The following COL24A1 variants were observed in gnomAD, a reference collection of about 807,000 sequenced individuals.
COL24A1 encodes collagen alpha-1(XXIV) chain.
Under a neutral mutation model 253.9 loss-of-function variants are expected in COL24A1, and 224 were observed. That is an observed-to-expected ratio of 0.88 (90% CI 0.79 to 0.99). The LOEUF is 0.99. Among genes scored for constraint, COL24A1 ranks in the 50% least tolerant of loss-of-function variants. The pLI is 0.00. For missense variants in COL24A1, 2,131 were observed against 2,068.5 expected (o/e 1.03, Z -0.59); for synonymous variants, 685 against 673.7 (o/e 1.02, Z -0.26).
At chr1:86,090,951 A>C (rs1436730728) in intron 6 of COL24A1, among the ~76,000 whole-genome samples, 1 of 152,092 alleles carries the variant, frequency 6.6e-6, no homozygotes, top group Non-Finnish European at 1.5e-5. Flanking sequence ...ATTTGATATA[A>C]ATATGAATGT....
At chr1:85,764,759 C>A (rs747651073) in intron 53 of COL24A1, among the ~76,000 whole-genome samples, 18 of 151,936 alleles carry the variant, frequency 1.2e-4, no homozygotes, top group Admixed American at 5.9e-4. Context: ...CAATTTTCTT[C>A]CTGATGTGTG....
intron 5 of COL24A1, among the ~76,000 whole-genome samples, chr1:86,100,801 A>T (rs1704382812): frequency 6.6e-6 from 1 of 152,108 alleles, no homozygotes; most frequent in African/African-American, 2.4e-5. Context: ...GTTGGTGAAC[A>T]TGTTGATTTC....
intron 47 of COL24A1, among the ~76,000 whole-genome samples, chr1:85,790,443 T>G (rs2101658773): frequency 6.6e-6 from 1 of 152,320 alleles, no homozygotes; most frequent in South Asian, 2.1e-4. Flanking sequence ...TTCTTCTATC[T>G]TTTCTTCTTT....
chr1:85,896,950 G>T (rs947604521), intron 28 of COL24A1, among the ~76,000 whole-genome samples: 2 of 152,206 alleles, frequency 1.3e-5, no homozygotes, highest in African/African-American at 2.4e-5. Flanking sequence ...TAACACAGTA[G>T]TTGAGGTGGT....
chr1:85,829,074 T>A (rs1674814142), intron 43 of COL24A1, among the ~76,000 whole-genome samples: 1 of 151,870 alleles, frequency 6.6e-6, no homozygotes, highest in African/African-American at 2.4e-5. Flanking sequence ...GTTGTTCCTT[T>A]CCATGTTTAG....
At chr1:86,026,608 G>A (rs1193456928) in intron 14 of COL24A1, among the ~76,000 whole-genome samples, 1 of 152,200 alleles carries the variant, frequency 6.6e-6, no homozygotes, top group East Asian at 1.9e-4. Flanking sequence ...AGAACTGTGA[G>A]TCAATTAAAT....
chr1:86,051,495 T>A (rs1328000308), intron 10 of COL24A1, among the ~76,000 whole-genome samples: 4 of 152,162 alleles, frequency 2.6e-5, no homozygotes, highest in South Asian at 4.1e-4. Flanking sequence ...GTGCCATCAG[T>A]CAATCAATCA....
chr1:85,906,262 G>GTATTTTTTTTTT (rs1438385660), intron 28 of COL24A1, among the ~76,000 whole-genome samples: 1 of 14,050 alleles, frequency 7.1e-5, no homozygotes, highest in African/African-American at 2.8e-4. Flanking sequence ...AAACTGCAAG[G>GTATTTTTTTTTT]TCTTTTTTTT....
chr1:85,831,223 G>C (rs992859483), intron 43 of COL24A1, among the ~76,000 whole-genome samples: 3 of 152,048 alleles, frequency 2.0e-5, no homozygotes, highest in Non-Finnish European at 2.9e-5. Context: ...TGTGGTACAA[G>C]TAAATGTGAC....
At position 86,061,466 on chromosome 1, in the gene COL24A1, T is replaced by G. The variant is rs80336463; in HGVS notation, c.1752+2249A>C. On this transcript the variant is annotated intron_variant, in intron 8 of 59. Coordinates refer to ENST00000370571, the MANE Select transcript of COL24A1 (RefSeq NM_152890.7). The stretch of plus-strand genomic sequence containing the variant: ...TAAGTTAACTAACCTCGATAAAAAG[T>G]CAATCTGTTATAGAACATAAGTGAA... 2.5e-3 allele frequency among the ~76,000 whole-genome samples: 375 copies of G among 152,192 alleles called. 10 individuals are homozygous for G. The East Asian group carries it at 0.046, about 19-fold the overall frequency.
chr1:86,083,303 A>AT (rs370645989), intron 7 of COL24A1, among the ~76,000 whole-genome samples: 17 of 150,644 alleles, frequency 1.1e-4, no homozygotes, highest in East Asian at 2.0e-4. Flanking sequence ...GTCTCAAAAA[A>AT]ATATATATAT....
intron 7 of COL24A1, among the ~76,000 whole-genome samples, chr1:86,077,487 G>A (rs902596669): frequency 6.6e-6 from 1 of 151,870 alleles, no homozygotes; most frequent in Non-Finnish European, 1.5e-5. Context: ...CTCATTACTG[G>A]GTATATATCC....
intron 24 of COL24A1, among the ~76,000 whole-genome samples, chr1:85,920,405 A>T (rs527329689): frequency 1.1e-4 from 16 of 152,310 alleles, no homozygotes; most frequent in African/African-American, 3.8e-4. Context: ...ATTGTCTGGG[A>T]CACAGAATAT....
intron 57 of COL24A1, among the ~76,000 whole-genome samples, chr1:85,740,953 C>A (rs12041806): frequency 1.7e-3 from 138 of 83,006 alleles, no homozygotes; most frequent in Non-Finnish European, 1.9e-3. Context: ...TCTAAAAATA[C>A]AAAAAAAAAA....
rs150793329 is a variant in COL24A1, at chr1:85,789,784, C to G, written c.3952-3323G>C. ...AAGGGATGTTGAATTTTATTGAAGG[C>G]CTTTTCTGCATCTACTGAGATAATC... On this transcript the variant is annotated intron_variant, in intron 47 of 59. Transcript: ENST00000370571. Among the ~76,000 whole-genome samples the G allele has an allele frequency of 6.3e-3, 957 of 152,168 alleles. 15 individuals are homozygous for G. The highest frequency in any genetic ancestry group is 0.022 in the African/African-American group (917 of 41,500).
At chr1:86,092,064 T>C (rs1292034226) in intron 6 of COL24A1, among the ~76,000 whole-genome samples, 3 of 152,082 alleles carry the variant, frequency 2.0e-5, no homozygotes, top group Non-Finnish European at 2.9e-5. Flanking sequence ...ATAAAAGTAA[T>C]GTTAAGACTT....
intron 24 of COL24A1, among the ~76,000 whole-genome samples, chr1:85,915,797 G>A (rs1014673867): frequency 6.6e-6 from 1 of 152,214 alleles, no homozygotes; most frequent in East Asian, 1.9e-4. Flanking sequence ...TACAGGCACA[G>A]AGCACCGTGC....
At chr1:85,977,551 G>C (rs1692812005) in intron 20 of COL24A1, among the ~76,000 whole-genome samples, 1 of 152,104 alleles carries the variant, frequency 6.6e-6, no homozygotes, top group Admixed American at 6.5e-5. Context: ...GGATATGAAA[G>C]ACAAACTCAG....
intron 6 of COL24A1, among the ~76,000 whole-genome samples, chr1:86,091,690 G>A (rs956769059): frequency 3.9e-5 from 6 of 151,928 alleles, no homozygotes; most frequent in East Asian, 1.9e-4. Context: ...TGTTTGTATT[G>A]GCAGTGTTAG....
Sources: allele counts gnomAD v4.1 joint callset (sites outside exome capture counted in the v4.1 genomes callset), GRCh38; gene constraint gnomAD v4.1.1; transcripts MANE v1.5; gene names NCBI Gene and HGNC (gene_info 2026-07-23, HGNC 2026-07-21).